The following SP6 variants were observed in gnomAD, a reference collection of about 807,000 sequenced individuals.
The protein encoded by SP6 is transcription factor Sp6.
SP6 carries 10 observed loss-of-function variants against 23.4 expected under a neutral mutation model. The ratio of observed to expected loss-of-function variants is 0.43; its 90% CI spans 0.26 to 0.72. The LOEUF is 0.72. Ranked by LOEUF, SP6 falls within the 30% of genes least tolerant of loss-of-function variation. The probability of loss-of-function intolerance (pLI) is 0.23; values close to 1 mark genes in which losing one functional copy is unlikely to be tolerated. For synonymous variants in SP6, 238 were observed against 238.7 expected (o/e 1.00, Z 0.03); for missense variants, 482 against 523.8 (o/e 0.92, Z 0.78).
At chr17:47,867,204 C>T in the SP6 span, among the ~76,000 whole-genome samples, 4 of 152,086 alleles carry the variant, frequency 2.6e-5, no homozygotes, top group African/African-American at 4.8e-5. Context: ...TGAGATAAGT[C>T]GGTTAGATGC....
upstream of SP6, among the ~76,000 whole-genome samples, chr17:47,857,085 A>C (rs1263434116): frequency 6.6e-6 from 1 of 151,966 alleles, no homozygotes; most frequent in East Asian, 1.9e-4. Context: ...AGCAGGAGAG[A>C]ATAGAGTATT....
rs2033892763 is a variant in SP6 at position 47,847,030 on chromosome 17, C to G, written c.*269G>C. 2.1e-6 allele frequency: 1 copy of G among 474,754 alleles called. No homozygotes were observed. Among genetic ancestry groups the G allele is most frequent in the Admixed American group, 3.9e-5 (1 of 25,928 alleles). The allele number at this position is 474,754 out of a possible 1,614,324, so 29.4% of individuals were successfully genotyped here. ...GGTACGGGTGTCCCACCCCAACCCC[C>G]CAGCCCAGGGGCGAGGGAAACTGTG... is the stretch of plus-strand genomic sequence containing the variant. On this transcript the variant is annotated 3_prime_UTR_variant, in exon 2 of 2. Transcript: ENST00000536300.
At chr17:47,861,773 C>T in the SP6 span, among the ~76,000 whole-genome samples, 16 of 152,124 alleles carry the variant, frequency 1.1e-4, no homozygotes, top group Admixed American at 8.5e-4. Flanking sequence ...CAGCCAGCCA[C>T]GGTGGCTCAC....
chr17:47,869,038 G>T, the SP6 span, among the ~76,000 whole-genome samples: 1 of 152,230 alleles, frequency 6.6e-6, no homozygotes, highest in Non-Finnish European at 1.5e-5. Context: ...GACCCCAGGG[G>T]CGTGAGCCCT....
upstream of SP6, among the ~76,000 whole-genome samples, chr17:47,851,744 G>A (rs911152149): frequency 6.5e-4 from 9 of 13,918 alleles, no homozygotes; most frequent in Non-Finnish European, 1.3e-3. Flanking sequence ...CTCACCCCCC[G>A]CACCCCGCGC....
upstream of SP6, among the ~76,000 whole-genome samples, chr17:47,854,739 C>T (rs374118081): frequency 1.1e-4 from 16 of 152,292 alleles, no homozygotes; most frequent in East Asian, 1.3e-3. Context: ...CAAATTGTCT[C>T]GTCCAAGCCC....
At chr17:47,858,142 G>C (rs1022591348), upstream of SP6, among the ~76,000 whole-genome samples, 1 of 151,808 alleles carries the variant, frequency 6.6e-6, no homozygotes, top group African/African-American at 2.4e-5. Context: ...TCCTTCTTCA[G>C]CTCTCTAATT....
At chr17:47,849,803 C>A (rs2033935967) in intron 1 of SP6, among the ~76,000 whole-genome samples, 1 of 152,226 alleles carries the variant, frequency 6.6e-6, no homozygotes, top group African/African-American at 2.4e-5. Flanking sequence ...TTCTCACCAC[C>A]TCTCCCTAAG....
chr17:47,861,846 G>A, the SP6 span, among the ~76,000 whole-genome samples: 2 of 151,966 alleles, frequency 1.3e-5, no homozygotes, highest in Admixed American at 1.3e-4. Flanking sequence ...AGGGATTCAA[G>A]ACCAGCTTGG....
chr17:47,847,206 C>T lies in SP6; in HGVS notation c.*93G>A. On this transcript the variant is annotated 3_prime_UTR_variant, in exon 2 of 2. Transcript: ENST00000536300. ...CCTCCCTGAATAAATACGCACCTTC[C>T]CCTCTTCCTCAAGCCACCCCCAAGG... The T allele has an allele frequency of 1.5e-6, 2 of 1,293,354 alleles. No individual in the cohort carries two copies. The highest frequency in any genetic ancestry group is 2.1e-6 in the Non-Finnish European group (2 of 967,272). 80.1% of individuals were successfully genotyped at this position (1,293,354 alleles called of 1,614,324 possible). A position where few individuals can be genotyped will look rare whatever the true frequency, so the allele number is the denominator to read the frequency against.
upstream of SP6, among the ~76,000 whole-genome samples, chr17:47,859,970 T>G (rs1392409040): frequency 6.6e-6 from 1 of 152,016 alleles, no homozygotes; most frequent in Non-Finnish European, 1.5e-5. Flanking sequence ...CGGTAGGAAT[T>G]TAAACTTCTT....
At position 47,848,129 on chromosome 17, in the gene SP6, A is replaced by T; in HGVS notation, c.301T>A (p.Ser101Thr). ...PFSKLLQPDM[S>T]HHYESWFRPT... Reference sequence around the variant, plus strand: ...CTGAACCACGATTCATAATGGTGTGACATGTCCGGCTGCAGGAGCTTGGAA... The same window carrying T: ...CTGAACCACGATTCATAATGGTGTGTCATGTCCGGCTGCAGGAGCTTGGAA... Residue 101 changes from serine (S) to threonine (T), a missense_variant, in exon 2 of 2, where the codon TCA (serine) becomes ACA (threonine). Around this residue, in one of 3 missense-constraint regions of SP6, gnomAD observed 330 missense variants for 332.3 expected, o/e 0.99. Transcript: ENST00000536300. The surrounding 1 kb of genome is among the most constrained non-coding windows in gnomAD (Gnocchi z 5.3). The T allele has an allele frequency of 6.2e-7, 1 of 1,613,596 alleles. No homozygotes were observed. The highest frequency in any genetic ancestry group is 1.6e-4 in the Middle Eastern group (1 of 6,062).
chr17:47,862,279 G>A, the SP6 span, among the ~76,000 whole-genome samples: 1 of 151,550 alleles, frequency 6.6e-6, no homozygotes, highest in South Asian at 2.1e-4. Flanking sequence ...GGGAGGCAGA[G>A]GTTGCAATGA....
At position 47,847,158 on chromosome 17, in the gene SP6, C is replaced by T; in HGVS notation, c.*141G>A. ...CTAAGAACCCCTAGCGCCCCATCTC[C>T]CTGTCCCTGCACCACTTTTCCTCCT... On this transcript the variant is annotated 3_prime_UTR_variant, in exon 2 of 2. Coordinates refer to ENST00000536300, the MANE Select transcript of SP6 (RefSeq NM_001258248.2). The T allele has an allele frequency of 1.1e-6, 1 of 901,146 alleles. No homozygotes were observed. The highest frequency in any genetic ancestry group is 1.6e-6 in the Non-Finnish European group (1 of 612,756). The allele number at this position is 901,146 out of a possible 1,614,324, so 55.8% of individuals were successfully genotyped here.
At chr17:47,854,362 A>C (rs1028820487), upstream of SP6, among the ~76,000 whole-genome samples, 2 of 152,264 alleles carry the variant, frequency 1.3e-5, no homozygotes, top group Non-Finnish European at 2.9e-5. Context: ...TGTACAGATG[A>C]GGAAGCCAAA....
the SP6 span, among the ~76,000 whole-genome samples, chr17:47,869,250 C>A: frequency 6.6e-6 from 1 of 152,240 alleles, no homozygotes; most frequent in East Asian, 1.9e-4. Context: ...CTAGGCAGTC[C>A]TTTCATCCTG....
rs1401426546 is a variant in SP6, at chr17:47,848,069, A to G, written c.361T>C (p.Trp121Arg). Residue 121 changes from tryptophan to arginine, a missense_variant, in exon 2 of 2, where the codon TGG becomes CGG. Physicochemically the swap from Trp to Arg is moderately radical, Grantham distance 101. Around this residue, in one of 3 missense-constraint regions of SP6, gnomAD observed 330 missense variants for 332.3 expected, o/e 0.99. Transcript: ENST00000536300. The surrounding 1 kb of genome is among the most constrained non-coding windows in gnomAD (Gnocchi z 5.3). ...THPGAEDGSWWDLHPGTSWMD... is the reference protein window; with the variant it reads ...THPGAEDGSWRDLHPGTSWMD... ...CAGCTGGTGCCCGGATGAAGGTCCC[A>G]CCACGAGCCATCCTCCGCGCCTGGG... 1 of 1,613,182 alleles carries G rather than the reference A, an allele frequency of 6.2e-7. No homozygotes were observed. The highest frequency in any genetic ancestry group is 2.2e-5 in the East Asian group (1 of 44,870).
chr17:47,865,997 G>T, the SP6 span, among the ~76,000 whole-genome samples: 20 of 152,284 alleles, frequency 1.3e-4, no homozygotes, highest in South Asian at 4.1e-3. Context: ...CCAGGCCAGG[G>T]CTCAGGGGAG....
chr17:47,848,755 T>G lies in SP6; in HGVS notation c.-57-269A>C, dbSNP rs2033924657. Among the ~76,000 whole-genome samples the G allele has an allele frequency of 1.3e-5, 2 of 152,188 alleles. No homozygotes were observed. Among genetic ancestry groups the G allele is most frequent in the South Asian group, 4.2e-4 (2 of 4,816 alleles). On this transcript the variant is annotated intron_variant, in intron 1 of 1. Coordinates refer to ENST00000536300, the MANE Select transcript of SP6 (RefSeq NM_001258248.2). This position sits in a 1 kb window ranked among gnomAD's most constrained non-coding sequence, Gnocchi z 5.3. Reference sequence around the variant, plus strand: ...CCCTAGAGTTGGGCCACTCCCAGGATGGTAGGTCAGATACACCTACAGCAC... The same window carrying G: ...CCCTAGAGTTGGGCCACTCCCAGGAGGGTAGGTCAGATACACCTACAGCAC...
Sources: gnomAD v4.1 joint callset for allele counts (sites outside exome capture counted in the v4.1 genomes callset) on GRCh38, gnomAD v4.1.1 for gene constraint, gnomAD v4.1.1 regional missense constraint, Gnocchi (gnomAD v3.1) non-coding constraint, MANE v1.5 for transcripts, NCBI Gene and HGNC (gene_info 2026-07-23, HGNC 2026-07-21) for gene names.